The following COL11A2 variants were observed in gnomAD, a reference collection of about 807,000 sequenced individuals.
COL11A2 encodes collagen alpha-2(XI) chain.
A neutral mutation model predicts 273.4 loss-of-function variants in COL11A2; 116 were observed. The observed-to-expected ratio is 0.42, with a 90% confidence interval of 0.36 to 0.49. COL11A2 has a LOEUF of 0.49. Among genes scored for constraint, COL11A2 ranks in the 20% least tolerant of loss-of-function variants. COL11A2 has a pLI of 0.00. For synonymous variants in COL11A2, 782 were observed against 864.2 expected (o/e 0.90, Z 1.67); for missense variants, 1,866 against 2,309.0 (o/e 0.81, Z 3.93).
rs1769855980 is a variant in COL11A2 at position 33,170,355 on chromosome 6, G to A, written c.3553C>T (p.Arg1185Ter). Residue 1185 changes from arginine to a stop codon, truncating the protein, a stop_gained, in exon 48 of 66, where the codon CGA (arginine) becomes TGA (stop). Coordinates refer to ENST00000341947, the MANE Select transcript of COL11A2 (RefSeq NM_080680.3). LOFTEE classifies it high-confidence loss of function. This position sits in a 1 kb window ranked among gnomAD's most constrained non-coding sequence, Gnocchi z 4.3. ...GCGCCATTGGGTCCAGCTGGACCTC[G>A]AGGTCCTGGGGGGCCAGGTGGTCCC... ...PMGPPGPPGP[R>*]GPAGPNGADG... The A allele has an allele frequency of 2.5e-6, 4 of 1,613,926 alleles. No homozygotes were observed. The highest frequency in any genetic ancestry group is 3.4e-6 in the Non-Finnish European group (4 of 1,179,936).
Position 33,170,204 on chromosome 6 carries a change from A to G in COL11A2, c.3583-104T>C. The G allele has an allele frequency of 3.2e-6, 5 of 1,573,366 alleles. No individual in the cohort carries two copies. The highest frequency in any genetic ancestry group is 4.4e-6 in the Non-Finnish European group (5 of 1,144,670). Reference sequence around the variant, plus strand: ...CAAGGTTACAGCAGTGAGGCAGTGGAGGCCTCCCGGGAGTAAGGGCTTCTC... The same window carrying G: ...CAAGGTTACAGCAGTGAGGCAGTGGGGGCCTCCCGGGAGTAAGGGCTTCTC... On this transcript the variant is annotated intron_variant, in intron 48 of 65. Transcript: ENST00000341947. The surrounding 1 kb of genome is among the most constrained non-coding windows in gnomAD (Gnocchi z 4.3).
rs1455924177 is a variant in COL11A2, at chr6:33,179,503, G to A, written c.1447-16C>T. The A allele has an allele frequency of 1.3e-6, 2 of 1,554,692 alleles. No homozygotes were observed. The highest frequency in any genetic ancestry group is 1.9e-5 in the Admixed American group (1 of 51,510). ...GGAGCGCCAGCTAGGGGAGCAGGGG[G>A]ACAGCAGAGCTGAGGGACAGGCAGT... On this transcript the variant is annotated splice_polypyrimidine_tract_variant and intron_variant, in intron 13 of 65. Transcript: ENST00000341947. The surrounding 1 kb of genome is among the most constrained non-coding windows in gnomAD (Gnocchi z 6.4).
Position 33,165,434 on chromosome 6 carries a change from C to T in COL11A2, c.4750+115G>A, listed in dbSNP as rs1768972450. On this transcript the variant is annotated intron_variant, in intron 63 of 65. Coordinates refer to ENST00000341947, the MANE Select transcript of COL11A2 (RefSeq NM_080680.3). The surrounding 1 kb of genome is among the most constrained non-coding windows in gnomAD (Gnocchi z 7.7). Reference sequence around the variant, plus strand: ...AGTAAATAGCTGCAGTTCCCAGCCCCTCAGCCCTCACCCTTAACCCAACAC... The same window carrying T: ...AGTAAATAGCTGCAGTTCCCAGCCCTTCAGCCCTCACCCTTAACCCAACAC... 6.6e-7 allele frequency: 1 copy of T among 1,509,174 alleles called. No individual in the cohort carries two copies. The highest frequency in any genetic ancestry group is 2.3e-5 in the East Asian group (1 of 44,216). The allele number at this position is 1,509,174 out of a possible 1,614,324, so 93.5% of individuals were successfully genotyped here.
intron 12 of COL11A2, 110 bp downstream of exon 12, chr6:33,180,148 T>C (rs2150583676): frequency 8.7e-6 from 10 of 1,155,566 alleles, no homozygotes; most frequent in South Asian, 1.2e-5. Flanking sequence ...TGATCTTTGA[T>C]GATCTTTAGA....
At position 33,163,546 on chromosome 6, in the gene COL11A2, T is replaced by A; in HGVS notation, c.*132A>T. On this transcript the variant is annotated 3_prime_UTR_variant, in exon 66 of 66. Transcript: ENST00000341947. The surrounding 1 kb of genome is among the most constrained non-coding windows in gnomAD (Gnocchi z 4.1). ...CACCCCTCCCCTGGCCTGCCCCGAC[T>A]GAGGGCTCTCCACGCCCTGGCCCAG... is the stretch of plus-strand genomic sequence containing the variant. 6.9e-7 allele frequency: 1 copy of A among 1,442,234 alleles called. No homozygotes were observed. The highest frequency in any genetic ancestry group is 9.7e-7 in the Non-Finnish European group (1 of 1,031,230). The allele number at this position is 1,442,234 out of a possible 1,614,324, so 89.3% of individuals were successfully genotyped here. A position where few individuals can be genotyped will look rare whatever the true frequency, so the allele number is the denominator to read the frequency against.
At position 33,178,948 on chromosome 6, in the gene COL11A2, C is replaced by A. The variant is rs199866657; in HGVS notation, c.1637G>T (p.Arg546Leu). ...CACTCCAGGATCTCCAGGCATCCCT[C>A]GGGCTCCATCAGCACCTGCCCGGCC... ...RRGRAGADGA[R>L]GMPGDPGVKG... The change falls in exon 17 of 66, where the codon CGA (arginine) becomes CTA (leucine). Residue 546 changes from arginine (R) to leucine (L), a missense_variant. Coordinates refer to ENST00000341947, the MANE Select transcript of COL11A2 (RefSeq NM_080680.3). This position sits in a 1 kb window ranked among gnomAD's most constrained non-coding sequence, Gnocchi z 4.6. The A allele has an allele frequency of 1.2e-6, 2 of 1,614,086 alleles. No homozygotes were observed. Among genetic ancestry groups the A allele is most frequent in the East Asian group, 4.5e-5 (2 of 44,866 alleles).
At position 33,166,036 on chromosome 6, in the gene COL11A2, C is replaced by G; in HGVS notation, c.4429-52G>C. 1 of 1,612,504 alleles carries G rather than the reference C, an allele frequency of 6.2e-7. No homozygotes were observed. Among genetic ancestry groups the G allele is most frequent in the Non-Finnish European group, 8.5e-7 (1 of 1,178,998 alleles). ...AGGGGTCAAGAGGTCAAGCATGGAT[C>G]AAGGTCACAGAAAGATCAAATCAGC... is the stretch of plus-strand genomic sequence containing the variant. On this transcript the variant is annotated intron_variant, in intron 61 of 65. Transcript: ENST00000341947. This position sits in a 1 kb window ranked among gnomAD's most constrained non-coding sequence, Gnocchi z 4.8.
upstream of COL11A2, among the ~76,000 whole-genome samples, chr6:33,192,851 C>G (rs1335866373): frequency 6.6e-6 from 1 of 151,968 alleles, no homozygotes; most frequent in Non-Finnish European, 1.5e-5. Flanking sequence ...GCAGTCCCCA[C>G]CCCACCCATA....
At chr6:33,185,179 G>T in intron 6 of COL11A2, 125 bp from the exon 7 acceptor site, 1 of 741,764 alleles carries the variant, frequency 1.3e-6, no homozygotes, top group Non-Finnish European at 2.4e-6. Flanking sequence ...GGGGATGGGG[G>T]AAATCTCAGA....
chr6:33,178,293 C>T lies in COL11A2; in HGVS notation c.1818+15G>A, dbSNP rs549588854. 2.7e-5 allele frequency: 43 copies of T among 1,612,902 alleles called. No individual in the cohort carries two copies. The South Asian group carries it at 4.4e-4, about 16-fold the overall frequency. ...CCAGAGCCCCCTCCCCCAGCACCAG[C>T]CCTTGGACACTCACCGACTCTCCAG... is the stretch of plus-strand genomic sequence containing the variant. On this transcript the variant is annotated intron_variant, in intron 20 of 65. Coordinates refer to ENST00000341947, the MANE Select transcript of COL11A2 (RefSeq NM_080680.3). The surrounding 1 kb of genome is among the most constrained non-coding windows in gnomAD (Gnocchi z 4.6).
chr6:33,169,871 T>A lies in COL11A2; in HGVS notation c.3650A>T (p.Glu1217Val). 1 of 1,614,076 alleles carries A rather than the reference T, an allele frequency of 6.2e-7. No individual in the cohort carries two copies. Among genetic ancestry groups the A allele is most frequent in the Non-Finnish European group, 8.5e-7 (1 of 1,180,014 alleles). ...GCCCTGGATCCCTGGAGATCCTGAC[T>A]CTCCTGGTTCCCCCTGCAAAGAGAT... Reference protein sequence around the residue: ...GPPGEKGEPGESGSPGIQGEP... With the variant: ...GPPGEKGEPGVSGSPGIQGEP... The change falls in exon 50 of 66, where the codon GAG (glutamate) becomes GTG (valine). Residue 1217 changes from glutamate (E) to valine (V), a missense_variant. By Grantham distance (121) the Glu-to-Val change is moderately radical. Transcript: ENST00000341947. This position sits in a 1 kb window ranked among gnomAD's most constrained non-coding sequence, Gnocchi z 5.5.
In COL11A2 at chr6:33,189,560, G is replaced by T; in HGVS notation, c.83-91C>A. 1.3e-6 allele frequency: 2 copies of T among 1,535,004 alleles called. No individual in the cohort carries two copies. The highest frequency in any genetic ancestry group is 1.8e-6 in the Non-Finnish European group (2 of 1,122,042). The stretch of plus-strand genomic sequence containing the variant: ...TGGGATCTAGAACTCAGCTTTCCAG[G>T]GCTCAAACTCCCTGCAAGGGAAAGG... On this transcript the variant is annotated intron_variant, in intron 1 of 65. Coordinates refer to ENST00000341947, the MANE Select transcript of COL11A2 (RefSeq NM_080680.3). The surrounding 1 kb of genome is among the most constrained non-coding windows in gnomAD (Gnocchi z 5.6).
rs1206187196 is a variant in COL11A2 at position 33,166,800 on chromosome 6, C to T, written c.4258G>A (p.Gly1420Arg). 6.2e-7 allele frequency: 1 copy of T among 1,613,444 alleles called. No homozygotes were observed. Among genetic ancestry groups the T allele is most frequent in the Non-Finnish European group, 8.5e-7 (1 of 1,180,004 alleles). ...KGHPGLIGLI[G>R]PPGEQGEKGD... Reference sequence around the variant, plus strand: ...TTCTCTCCCTGCTCACCCGGGGGCCCAATCAGTCCAATGAGACCTGGGTGG... The same window carrying T: ...TTCTCTCCCTGCTCACCCGGGGGCCTAATCAGTCCAATGAGACCTGGGTGG... Residue 1420 changes from glycine to arginine, a missense_variant, in exon 59 of 66, where the codon GGG becomes AGG. Transcript: ENST00000341947. This position sits in a 1 kb window ranked among gnomAD's most constrained non-coding sequence, Gnocchi z 4.8.
Position 33,169,034 on chromosome 6 carries a change from A to G in COL11A2, c.3799-26T>C, listed in dbSNP as rs1342732901. 1.3e-6 allele frequency: 2 copies of G among 1,596,742 alleles called. No individual in the cohort carries two copies. The highest frequency in any genetic ancestry group is 2.3e-5 in the South Asian group (2 of 88,496). On this transcript the variant is annotated intron_variant, in intron 51 of 65. Transcript: ENST00000341947. The surrounding 1 kb of genome is among the most constrained non-coding windows in gnomAD (Gnocchi z 5.5). The stretch of plus-strand genomic sequence containing the variant: ...CTGATCCAGATGGAGAATAAGAGTC[A>G]GGGTCACAGCTCCCTAAGCCCACCC...
rs917807991 is a variant in COL11A2, at chr6:33,169,166, G to T, written c.3799-158C>A. On this transcript the variant is annotated intron_variant, in intron 51 of 65. Transcript: ENST00000341947. The surrounding 1 kb of genome is among the most constrained non-coding windows in gnomAD (Gnocchi z 5.5). The stretch of plus-strand genomic sequence containing the variant: ...CCCCTTTCCCTACCACGTGCACTGC[G>T]TGTTGTCTAATTCCTCAAGGTATTA... Among the ~76,000 whole-genome samples the T allele has an allele frequency of 2.0e-5, 3 of 152,026 alleles. No individual in the cohort carries two copies. The highest frequency in any genetic ancestry group is 4.4e-5 in the Non-Finnish European group (3 of 68,028).
intron 41 of COL11A2, 29 bp downstream of exon 41, chr6:33,172,021 T>C (rs750038873): frequency 4.8e-5 from 78 of 1,612,694 alleles, no homozygotes; most frequent in Non-Finnish European, 6.2e-5. Flanking sequence ...CCCGGGTCCT[T>C]CCTACCACTT....
In COL11A2 at chr6:33,185,766, G is replaced by C. The variant is rs1772337370; in HGVS notation, c.811C>G (p.Leu271Val). The C allele has an allele frequency of 7.4e-7, 1 of 1,343,420 alleles. No homozygotes were observed. Among genetic ancestry groups the C allele is most frequent in the African/African-American group, 1.5e-5 (1 of 66,684 alleles). The allele number at this position is 1,343,420 out of a possible 1,614,324, so 83.2% of individuals were successfully genotyped here. A position where few individuals can be genotyped will look rare whatever the true frequency, so the allele number is the denominator to read the frequency against. Residue 271 changes from leucine (L) to valine (V), a missense_variant, in exon 6 of 66, where the codon CTC becomes GTC. Transcript: ENST00000341947. The part of the protein sequence containing the change: ...QEPQSQPTES[L>V]YYDYEPPYYD... ...TAGGGGGGCTCGTAGTCATAGTAGAGAGACTCAGTGGGCTGGGATTGGGGG... is the reference window on the plus strand; with the variant it reads ...TAGGGGGGCTCGTAGTCATAGTAGACAGACTCAGTGGGCTGGGATTGGGGG...
rs2150638035 is a variant in COL11A2 at position 33,192,304 on chromosome 6, A to T, written c.-64T>A. ...TCGGCCTGAGACGCTGGATGCCCTG[A>T]GGCTGACAGAAGACAGGGAGCAGAC... On this transcript the variant is annotated 5_prime_UTR_variant, in exon 1 of 66. Coordinates refer to ENST00000341947, the MANE Select transcript of COL11A2 (RefSeq NM_080680.3). The T allele has an allele frequency of 4.8e-6, 7 of 1,457,076 alleles. No homozygotes were observed. The East Asian group carries it at 1.2e-4, about 26-fold the overall frequency. 90.3% of individuals were successfully genotyped at this position (1,457,076 alleles called of 1,614,324 possible). A position where few individuals can be genotyped will look rare whatever the true frequency, so the allele number is the denominator to read the frequency against.
Position 33,166,286 on chromosome 6 carries a change from A to G in COL11A2, c.4393-80T>C. The stretch of plus-strand genomic sequence containing the variant: ...AGAGGAGCGGGGAGGCAAGGTCCCA[A>G]GTCCACAGGAGCCTCGGGTTACTAC... On this transcript the variant is annotated intron_variant, in intron 60 of 65. Coordinates refer to ENST00000341947, the MANE Select transcript of COL11A2 (RefSeq NM_080680.3). The surrounding 1 kb of genome is among the most constrained non-coding windows in gnomAD (Gnocchi z 4.8). The G allele has an allele frequency of 2.0e-6, 3 of 1,522,268 alleles. No individual in the cohort carries two copies. The highest frequency in any genetic ancestry group is 2.7e-6 in the Non-Finnish European group (3 of 1,123,744). 94.3% of individuals were successfully genotyped at this position (1,522,268 alleles called of 1,614,324 possible). A position where few individuals can be genotyped will look rare whatever the true frequency, so the allele number is the denominator to read the frequency against.
Sources: gnomAD v4.1 joint callset for allele counts (sites outside exome capture counted in the v4.1 genomes callset) on GRCh38, gnomAD v4.1.1 for gene constraint, Gnocchi (gnomAD v3.1) non-coding constraint, MANE v1.5 for transcripts, NCBI Gene and HGNC (gene_info 2026-07-23, HGNC 2026-07-21) for gene names.